The following STPG2 variants were observed in gnomAD, a reference collection of about 807,000 sequenced individuals.
STPG2 encodes sperm tail PG-rich repeat containing 2.
Under a neutral mutation model 54.2 loss-of-function variants are expected in STPG2, and 56 were observed. That is an observed-to-expected ratio of 1.03 (90% confidence interval 0.83 to 1.29). STPG2 has a LOEUF of 1.29. Ranked by LOEUF, STPG2 falls within the 50% of genes most tolerant of loss-of-function variation. The probability of loss-of-function intolerance (pLI) is 0.00; values close to 1 mark genes in which losing one functional copy is unlikely to be tolerated. For synonymous variants in STPG2, 200 were observed against 181.8 expected (o/e 1.10, Z -0.81); for missense variants, 596 against 544.9 (o/e 1.09, Z -0.93).
chr4:97,929,651 G>T (rs1732468417), intron 8 of STPG2, among the ~76,000 whole-genome samples: 1 of 152,138 alleles, frequency 6.6e-6, no homozygotes, highest in South Asian at 2.1e-4. Flanking sequence ...TTTCTCAGTT[G>T]ATTGTTGGCC....
At chr4:97,491,667 C>A (rs1455224774) in intron 4 of STPG2, among the ~76,000 whole-genome samples, 1 of 151,414 alleles carries the variant, frequency 6.6e-6, no homozygotes, top group Admixed American at 6.6e-5. Context: ...AGGCATGATG[C>A]CCTTAACTAA....
At chr4:97,527,238 G>A (rs1373013793) in intron 4 of STPG2, among the ~76,000 whole-genome samples, 2 of 152,078 alleles carry the variant, frequency 1.3e-5, no homozygotes, top group Admixed American at 6.6e-5. Context: ...TTATGAGTGA[G>A]AACATGTGGG....
intron 4 of STPG2, among the ~76,000 whole-genome samples, chr4:97,521,983 G>T (rs1251020726): frequency 6.6e-6 from 1 of 151,724 alleles, no homozygotes; most frequent in African/African-American, 2.4e-5. Flanking sequence ...AAATATTAGT[G>T]GTAATGAGAT....
At chr4:97,616,286 A>G (rs2148919812) in intron 10 of STPG2, among the ~76,000 whole-genome samples, 1 of 151,416 alleles carries the variant, frequency 6.6e-6, no homozygotes, top group East Asian at 1.9e-4. Flanking sequence ...GCTTTTAGTG[A>G]GATCAAGAAG....
At chr4:97,635,618 T>C (rs1319652429) in intron 10 of STPG2, among the ~76,000 whole-genome samples, 2 of 152,028 alleles carry the variant, frequency 1.3e-5, no homozygotes, top group Non-Finnish European at 2.9e-5. Context: ...GAGACACATA[T>C]AGGCTCAAAA....
intron 4 of STPG2, among the ~76,000 whole-genome samples, chr4:97,520,420 G>T (rs1731157133): frequency 6.6e-6 from 1 of 152,018 alleles, no homozygotes; most frequent in South Asian, 2.1e-4. Context: ...GCTTGTACCA[G>T]TCTCTACTTG....
rs146541921 is a variant in STPG2 at position 98,017,412 on chromosome 4, G to C, written c.613-36094C>G. On this transcript the variant is annotated intron_variant, in intron 5 of 10. Coordinates refer to ENST00000295268, the MANE Select transcript of STPG2 (RefSeq NM_174952.3). ...GGTTTGTTGGGTACATCCTGGCACT[G>C]GGGTTTACTGGGTTGGGCCTGGTGA... Among the ~76,000 whole-genome samples the C allele has an allele frequency of 2.4e-4, 37 of 152,286 alleles. No individual in the cohort carries two copies. In the East Asian group the frequency reaches 7.2e-3, roughly 30 times the overall value.
At chr4:98,127,690 T>C (rs933317661) in intron 3 of STPG2, among the ~76,000 whole-genome samples, 10 of 152,216 alleles carry the variant, frequency 6.6e-5, no homozygotes, top group African/African-American at 2.4e-4. Context: ...TCTATCTTCA[T>C]TGTCTGTATT....
chr4:97,622,167 A>G (rs1297396232), intron 10 of STPG2, among the ~76,000 whole-genome samples: 1 of 152,210 alleles, frequency 6.6e-6, no homozygotes, highest in East Asian at 1.9e-4. Context: ...CACAGCCAAC[A>G]TCATACTAAG....
chr4:97,861,539 G>T (rs556734677), intron 8 of STPG2, among the ~76,000 whole-genome samples: 1 of 152,204 alleles, frequency 6.6e-6, no homozygotes, highest in African/African-American at 2.4e-5. Flanking sequence ...ATATCAAAGA[G>T]ATATCTGCAC....
Position 97,944,011 on chromosome 4 carries a change from T to A in STPG2, c.934-4A>T. 6.3e-7 allele frequency: 1 copy of A among 1,594,000 alleles called. No homozygotes were observed. The highest frequency in any genetic ancestry group is 8.6e-7 in the Non-Finnish European group (1 of 1,164,078). The stretch of plus-strand genomic sequence containing the variant: ...CACCCTGTGAATGCCAAAATTCCTG[T>A]TGAAAGAAGGGGTTAAAAAGAGTAC... On this transcript the variant is annotated splice_polypyrimidine_tract_variant and splice_region_variant and intron_variant, in intron 7 of 10. Coordinates refer to ENST00000295268, the MANE Select transcript of STPG2 (RefSeq NM_174952.3).
intron 4 of STPG2, among the ~76,000 whole-genome samples, chr4:97,522,776 A>C (rs1217658793): frequency 1.3e-5 from 2 of 152,018 alleles, no homozygotes; most frequent in Non-Finnish European, 2.9e-5. Context: ...GGTTGGGCAG[A>C]TGAAGAATAA....
chr4:98,090,176 GT>G (rs1415902536), intron 5 of STPG2, among the ~76,000 whole-genome samples: 1 of 151,954 alleles, frequency 6.6e-6, no homozygotes, highest in East Asian at 1.9e-4. Context: ...AATTTTTATG[GT>G]TTCAGGTCTT....
intron 8 of STPG2, among the ~76,000 whole-genome samples, chr4:97,879,313 T>A (rs1025898293): frequency 6.6e-6 from 1 of 152,194 alleles, no homozygotes; most frequent in Non-Finnish European, 1.5e-5. Context: ...CCCACTCTAC[T>A]GGTAACAATT....
At chr4:97,714,373 T>C (rs11097573) in intron 9 of STPG2, among the ~76,000 whole-genome samples, 71,724 of 151,932 alleles carry the variant, frequency 0.47, 17,969 homozygotes, top group South Asian at 0.64. Flanking sequence ...AATTAAGACA[T>C]AGTATCTAAA....
intron 10 of STPG2, among the ~76,000 whole-genome samples, chr4:97,593,885 A>C (rs1372931360): frequency 6.6e-6 from 1 of 152,196 alleles, no homozygotes; most frequent in Non-Finnish European, 1.5e-5. Flanking sequence ...CATGTAGCCC[A>C]GAAATGCTGA....
intron 7 of STPG2, among the ~76,000 whole-genome samples, chr4:97,957,103 A>T (rs1484568940): frequency 7.1e-6 from 1 of 141,248 alleles, no homozygotes; most frequent in African/African-American, 2.6e-5. Flanking sequence ...CATAGGTGAA[A>T]TATACATGTG....
chr4:97,766,477 A>C (rs907280910), intron 9 of STPG2, among the ~76,000 whole-genome samples: 1 of 152,104 alleles, frequency 6.6e-6, no homozygotes, highest in Non-Finnish European at 1.5e-5. Context: ...GATTTATGAA[A>C]TGATCGTCTA....
At chr4:97,709,303 G>A (rs1473946271) in intron 10 of STPG2, among the ~76,000 whole-genome samples, 2 of 151,476 alleles carry the variant, frequency 1.3e-5, no homozygotes, top group African/African-American at 2.4e-5. Context: ...ATTTAGAACT[G>A]AAAATAAGTA....
Sources: gnomAD v4.1 joint callset for allele counts (sites outside exome capture counted in the v4.1 genomes callset) on GRCh38, gnomAD v4.1.1 for gene constraint, MANE v1.5 for transcripts, NCBI Gene and HGNC (gene_info 2026-07-23, HGNC 2026-07-21) for gene names.